KIF24: variants seen among roughly 807,000 people sequenced by gnomAD.
KIF24 encodes the protein kinesin-like protein KIF24.
Under a neutral mutation model 118.9 loss-of-function variants are expected in KIF24, and 81 were observed. The ratio of observed to expected loss-of-function variants is 0.68; its 90% CI spans 0.57 to 0.82. The LOEUF is 0.82. Among genes scored for constraint, KIF24 ranks in the 40% least tolerant of loss-of-function variants. The pLI is 0.00. For missense variants in KIF24, 1,560 were observed against 1,661.6 expected, an observed-to-expected ratio of 0.94 and a Z score of 1.06; for synonymous variants, 599 against 610.0, an observed-to-expected ratio of 0.98 and a Z score of 0.27.
chr9:34,317,073 T>G (rs1281636557), intron 1 of KIF24, among the ~76,000 whole-genome samples: 1 of 151,856 alleles, frequency 6.6e-6, no homozygotes, highest in East Asian at 1.9e-4. Flanking sequence ...AACAATTAGC[T>G]GGGCGTGGTT....
chr9:34,301,814 G>T (rs1016806168), intron 3 of KIF24, among the ~76,000 whole-genome samples: 6 of 151,824 alleles, frequency 4.0e-5, no homozygotes, highest in African/African-American at 1.5e-4. Flanking sequence ...CTCAGCCTGG[G>T]CAACAGAACA....
In KIF24 at chr9:34,280,283, C is replaced by CAA. The variant is rs56387532; in HGVS notation, c.1215+6332_1215+6333dup. ...TGGGCGACAGGGCGAGACTCCGTCTCAAAAAAAAAAAAAAAAAAAAAAAAA... is the reference window on the plus strand; with the variant it reads ...TGGGCGACAGGGCGAGACTCCGTCTCAAAAAAAAAAAAAAAAAAAAAAAAAAA... On this transcript the variant is annotated intron_variant, in intron 6 of 12. Coordinates refer to ENST00000402558, the MANE Select transcript of KIF24 (RefSeq NM_194313.4). Among the ~76,000 whole-genome samples the CAA allele has an allele frequency of 5.0e-3, 321 of 64,446 alleles. 25 individuals are homozygous for CAA. Among genetic ancestry groups the CAA allele is most frequent in the African/African-American group, 0.012 (150 of 12,232 alleles). 42.3% of individuals were successfully genotyped at this position (64,446 alleles called of 152,430 possible).
intron 3 of KIF24, among the ~76,000 whole-genome samples, chr9:34,300,033 G>A (rs1242686837): frequency 6.6e-6 from 1 of 152,054 alleles, no homozygotes; most frequent in Non-Finnish European, 1.5e-5. Flanking sequence ...CTGGACTTGG[G>A]CCAATTTACT....
chr9:34,322,238 C>T (rs923805915), intron 1 of KIF24, among the ~76,000 whole-genome samples: 3 of 152,126 alleles, frequency 2.0e-5, no homozygotes, highest in Non-Finnish European at 2.9e-5. Context: ...TCTAATACAC[C>T]CCATGGTCCT....
chr9:34,266,460 C>G (rs910374207), intron 8 of KIF24, among the ~76,000 whole-genome samples: 10 of 151,938 alleles, frequency 6.6e-5, no homozygotes, highest in Admixed American at 1.3e-4. Flanking sequence ...AGGCGAATCA[C>G]GAGGTTAGGA....
At chr9:34,259,947 A>G (rs1834994696) in intron 9 of KIF24, among the ~76,000 whole-genome samples, 1 of 152,218 alleles carries the variant, frequency 6.6e-6, no homozygotes, top group Non-Finnish European at 1.5e-5. Context: ...TTAGATTAAG[A>G]GACTAACGAT....
intron 3 of KIF24, among the ~76,000 whole-genome samples, chr9:34,300,850 C>CAAAAAAA (rs57919845): frequency 9.5e-6 from 1 of 105,666 alleles, no homozygotes; most frequent in Non-Finnish European, 1.8e-5. Flanking sequence ...CGGCATTTCT[C>CAAAAAAA]AAAAAAAAAA....
chr9:34,306,738 C>T (rs761968921), intron 2 of KIF24, among the ~76,000 whole-genome samples: 1 of 151,802 alleles, frequency 6.6e-6, no homozygotes, highest in Non-Finnish European at 1.5e-5. Context: ...GGAGGCAGAG[C>T]TTGCAGTGAG....
At chr9:34,311,672 GTATATGTATATATATACGTA>G (rs1837156607) in intron 1 of KIF24, among the ~76,000 whole-genome samples, 1 of 99,078 alleles carries the variant, frequency 1.0e-5, no homozygotes, top group Non-Finnish European at 2.2e-5. Context: ...ATATATACGT[GTATATGTATATATATACGTA>G]TATATGTACA....
At chr9:34,262,790 G>A (rs1340539563) in intron 9 of KIF24, among the ~76,000 whole-genome samples, 4 of 146,828 alleles carry the variant, frequency 2.7e-5, no homozygotes, top group African/African-American at 1.0e-4. Flanking sequence ...GAGCCTGGGA[G>A]GCAGAGGCCA....
At chr9:34,311,621 GAC>G (rs930651946) in intron 1 of KIF24, among the ~76,000 whole-genome samples, 17 of 150,708 alleles carry the variant, frequency 1.1e-4, no homozygotes, top group African/African-American at 3.9e-4. Flanking sequence ...AATAAAAAGA[GAC>G]ATTCCATTTT....
intron 6 of KIF24, among the ~76,000 whole-genome samples, chr9:34,285,524 C>T (rs1836007646): frequency 6.6e-6 from 1 of 151,890 alleles, no homozygotes; most frequent in Non-Finnish European, 1.5e-5. Context: ...CCTGTAATCC[C>T]AGCACTTTGG....
intron 6 of KIF24, among the ~76,000 whole-genome samples, chr9:34,281,054 C>T (rs1835833341): frequency 6.6e-6 from 1 of 152,168 alleles, no homozygotes; most frequent in African/African-American, 2.4e-5. Flanking sequence ...GAGATGGAGT[C>T]TTGCTCTGTT....
chr9:34,306,444 A>C lies in KIF24; in HGVS notation c.624-3T>G, dbSNP rs200914863. ...TCTGTTTCTCTGAAGTGTTCTGTCT[A>C]ATATGTTTATAAACAGGCTTTTAAT... On this transcript the variant is annotated splice_polypyrimidine_tract_variant and splice_region_variant and intron_variant, in intron 2 of 12. Transcript: ENST00000402558. 1.3e-6 allele frequency: 2 copies of C among 1,568,038 alleles called. No individual in the cohort carries two copies. Among genetic ancestry groups the C allele is most frequent in the Non-Finnish European group, 1.7e-6 (2 of 1,156,814 alleles).
intron 1 of KIF24, chr9:34,319,117 C>A: frequency 6.9e-7 from 1 of 1,448,806 alleles, no homozygotes; most frequent in Non-Finnish European, 9.7e-7. Flanking sequence ...TGGTGATGCA[C>A]CAGACAGGCC....
At position 34,297,035 on chromosome 9, in the gene KIF24, A is replaced by G. The variant is rs1587950520; in HGVS notation, c.893T>C (p.Ile298Thr). 7 of 1,578,018 alleles carry G rather than the reference A, an allele frequency of 4.4e-6. No individual in the cohort carries two copies. The highest frequency in any genetic ancestry group is 1.1e-5 in the South Asian group (1 of 87,588). The stretch of plus-strand genomic sequence containing the variant: ...ATCGTACCCATTGAAAATATGCTGA[A>G]TAAGTGGGTGAGTAGTCTTCATGTA... ...DVYMKTTHPL[I>T]QHIFNGGNAT... Residue 298 changes from isoleucine (I) to threonine (T), a missense_variant, in exon 4 of 13, where the codon ATT becomes ACT. Physicochemically the swap from Ile to Thr is moderately conservative, Grantham distance 89. Coordinates refer to ENST00000402558, the MANE Select transcript of KIF24 (RefSeq NM_194313.4).
In KIF24 at chr9:34,308,012, C is replaced by T. The variant is rs143953224; in HGVS notation, c.624-1571G>A. Among the ~76,000 whole-genome samples the T allele has an allele frequency of 3.3e-3, 501 of 152,214 alleles. 3 individuals carry two copies. Among genetic ancestry groups the T allele is most frequent in the African/African-American group, 0.011 (442 of 41,516 alleles). ...TTGAGACAGGGTCTTGCTCTATCAC[C>T]CAGACTGGAGTGCAGTGGTGCGAGC... On this transcript the variant is annotated intron_variant, in intron 2 of 12. Coordinates refer to ENST00000402558, the MANE Select transcript of KIF24 (RefSeq NM_194313.4).
chr9:34,269,223 A>C, intron 8 of KIF24, 34 bp downstream of exon 8: 1 of 1,309,472 alleles, frequency 7.6e-7, no homozygotes, highest in Non-Finnish European at 1.1e-6. Context: ...TCTTTCAAGA[A>C]GGATTTTTAG....
intron 3 of KIF24, among the ~76,000 whole-genome samples, chr9:34,297,654 C>T (rs1437787193): frequency 2.0e-5 from 3 of 151,540 alleles, no homozygotes; most frequent in African/African-American, 4.9e-5. Context: ...CCCAGCTACT[C>T]GGGAGGCTGA....
Sources: allele counts gnomAD v4.1 joint callset (sites outside exome capture counted in the v4.1 genomes callset), GRCh38; gene constraint gnomAD v4.1.1; transcripts MANE v1.5; gene names NCBI Gene and HGNC (gene_info 2026-07-23, HGNC 2026-07-21).